STK3: variants seen among roughly 807,000 people sequenced by gnomAD.
STK3 encodes serine/threonine kinase 3.
STK3 carries 41 observed loss-of-function variants against 58.0 expected under a neutral mutation model. The ratio of observed to expected loss-of-function variants is 0.71; its 90% CI spans 0.55 to 0.92. The LOEUF is 0.92. Among genes scored for constraint, STK3 ranks in the 40% least tolerant of loss-of-function variants. STK3 has a pLI of 0.00. For synonymous variants in STK3, 170 were observed against 191.0 expected, an observed-to-expected ratio of 0.89 and a Z score of 0.91; for missense variants, 479 against 602.7, an observed-to-expected ratio of 0.79 and a Z score of 2.15.
At chr8:98,906,856 A>C (rs1338027123) in intron 1 of STK3, among the ~76,000 whole-genome samples, 2 of 152,150 alleles carry the variant, frequency 1.3e-5, no homozygotes, top group Non-Finnish European at 2.9e-5. Context: ...AAAACAAAAA[A>C]ATTATTACAG....
intron 10 of STK3, among the ~76,000 whole-genome samples, chr8:98,491,162 C>CGAGAGAGAGAGAGAGAGA (rs61704241): frequency 1.4e-5 from 2 of 142,942 alleles, no homozygotes; most frequent in African/African-American, 5.2e-5. Context: ...AAAATAAACA[C>CGAGAGAGAGAGAGAGAGA]GAGAGAGAGA....
intron 4 of STK3, among the ~76,000 whole-genome samples, chr8:98,716,563 T>G (rs1344875991): frequency 6.6e-6 from 1 of 152,124 alleles, no homozygotes; most frequent in Admixed American, 6.5e-5. Flanking sequence ...CATATCTTCA[T>G]AGATAAGAAA....
intron 1 of STK3, among the ~76,000 whole-genome samples, chr8:98,790,723 G>C (rs536794687): frequency 6.6e-6 from 1 of 152,288 alleles, no homozygotes; most frequent in South Asian, 2.1e-4. Context: ...GGTGGCTCAC[G>C]CCTGTAACCC....
chr8:98,890,232 G>C (rs902125420), intron 1 of STK3, among the ~76,000 whole-genome samples: 1 of 152,208 alleles, frequency 6.6e-6, no homozygotes, highest in African/African-American at 2.4e-5. Context: ...CAAGGAACAA[G>C]GACGCCAACA....
At chr8:98,859,481 G>A (rs1054501971) in intron 3 of STK3, among the ~76,000 whole-genome samples, 1 of 152,156 alleles carries the variant, frequency 6.6e-6, no homozygotes, top group Non-Finnish European at 1.5e-5. Flanking sequence ...GAGTCACAAT[G>A]GGGCACAGGA....
At chr8:98,749,064 TAATA>T (rs1334238531) in intron 4 of STK3, among the ~76,000 whole-genome samples, 1 of 152,010 alleles carries the variant, frequency 6.6e-6, no homozygotes, top group Non-Finnish European at 1.5e-5. Context: ...AAAATTATCC[TAATA>T]AATAAATTAA....
chr8:98,648,814 C>T (rs1393143641), intron 6 of STK3, among the ~76,000 whole-genome samples: 1 of 151,314 alleles, frequency 6.6e-6, no homozygotes, highest in Non-Finnish European at 1.5e-5. Context: ...ATCACTTGAA[C>T]CTGGAGGCGG....
downstream of STK3, chr8:98,881,804 A>G (rs1381053590): frequency 1.3e-5 from 2 of 152,218 alleles, no homozygotes; most frequent in Admixed American, 6.5e-5. Context: ...AAAAAAATCC[A>G]GAAGCTAGCA....
chr8:98,367,888 A>C (rs759288282), downstream of STK3, among the ~76,000 whole-genome samples: 1 of 151,586 alleles, frequency 6.6e-6, no homozygotes, highest in Non-Finnish European at 1.5e-5. Flanking sequence ...TAAAGTTTTC[A>C]TAGGAAAAGC....
chr8:98,646,093 A>AT (rs1194310569), intron 6 of STK3, among the ~76,000 whole-genome samples: 8 of 152,254 alleles, frequency 5.3e-5, no homozygotes, highest in Non-Finnish European at 4.4e-5. Flanking sequence ...GTGTGGGAAA[A>AT]TAAAAAGTCA....
intron 3 of STK3, among the ~76,000 whole-genome samples, chr8:98,852,783 C>T (rs1330431423): frequency 6.6e-6 from 1 of 152,174 alleles, no homozygotes; most frequent in African/African-American, 2.4e-5. Context: ...ATAGCTGTGG[C>T]TTTCTCCCTT....
chr8:98,790,156 C>A (rs1439155069), intron 1 of STK3, among the ~76,000 whole-genome samples: 2 of 151,478 alleles, frequency 1.3e-5, no homozygotes, highest in Non-Finnish European at 2.9e-5. Context: ...AAAGAAGGAA[C>A]CCTCCCGAAA....
intron 4 of STK3, among the ~76,000 whole-genome samples, chr8:98,735,229 C>T (rs1022137630): frequency 2.6e-5 from 4 of 151,996 alleles, no homozygotes; most frequent in African/African-American, 9.7e-5. Context: ...TTATCAAAGG[C>T]TTGTAGGTGC....
At chr8:98,543,598 TA>T (rs1328279639) in intron 9 of STK3, among the ~76,000 whole-genome samples, 1 of 152,198 alleles carries the variant, frequency 6.6e-6, no homozygotes, top group African/African-American at 2.4e-5. Flanking sequence ...AGACCACATT[TA>T]AAACACCTAT....
intron 3 of STK3, among the ~76,000 whole-genome samples, chr8:98,874,669 C>T (rs141354621): frequency 2.6e-5 from 4 of 152,090 alleles, no homozygotes; most frequent in Middle Eastern, 3.4e-3. Flanking sequence ...CTCTGTCACC[C>T]AGGCTGGAGG....
chr8:98,444,275 A>G (rs1199163332), intron 1 of STK3, among the ~76,000 whole-genome samples: 1 of 152,230 alleles, frequency 6.6e-6, no homozygotes, highest in Non-Finnish European at 1.5e-5. Context: ...GAGGGTGGGC[A>G]GGAGCTAGGC....
At chr8:98,832,212 A>G (rs906070561) in intron 3 of STK3, among the ~76,000 whole-genome samples, 1 of 150,658 alleles carries the variant, frequency 6.6e-6, no homozygotes, top group Non-Finnish European at 1.5e-5. Context: ...CTAAGTGTAC[A>G]TATTCAATAG....
intron 6 of STK3, among the ~76,000 whole-genome samples, chr8:98,627,133 C>G (rs964845802): frequency 6.6e-6 from 1 of 152,160 alleles, no homozygotes; most frequent in Non-Finnish European, 1.5e-5. Context: ...AATCTCAACA[C>G]TTTGGGAGGC....
rs34309401 is a variant in STK3, at chr8:98,458,114, T to TAC, written c.1318-2116_1318-2115dup. 2.3e-3 allele frequency among the ~76,000 whole-genome samples: 351 copies of TAC among 150,390 alleles called. 2 individuals are homozygous for TAC. Among genetic ancestry groups the TAC allele is most frequent in the African/African-American group, 3.7e-3 (153 of 41,072 alleles). ...TCTCAATATCACATACACACACATA[T>TAC]ACACACACACACACACACACATGTG... On this transcript the variant is annotated intron_variant, in intron 10 of 10. Transcript: ENST00000419617.
Sources: gnomAD v4.1 joint callset for allele counts (sites outside exome capture counted in the v4.1 genomes callset) on GRCh38, gnomAD v4.1.1 for gene constraint, MANE v1.5 for transcripts, NCBI Gene and HGNC (gene_info 2026-07-23, HGNC 2026-07-21) for gene names.